The following DLG1 variants were observed in gnomAD, a reference collection of about 807,000 sequenced individuals.
DLG1 encodes the protein disks large homolog 1.
In DLG1, 42 loss-of-function variants were observed where a neutral mutation model predicts 123.4. The ratio of observed to expected loss-of-function variants is 0.34; its 90% CI spans 0.27 to 0.44. The LOEUF is 0.44. Ranked by LOEUF, DLG1 falls within the 20% of genes least tolerant of loss-of-function variation. The probability of loss-of-function intolerance (pLI) is 1.00; values close to 1 mark genes in which losing one functional copy is unlikely to be tolerated. For synonymous variants in DLG1, 317 were observed against 356.2 expected, an observed-to-expected ratio of 0.89 and a Z score of 1.24; for missense variants, 942 against 1,082.6, an observed-to-expected ratio of 0.87 and a Z score of 1.82.
intron 4 of DLG1, among the ~76,000 whole-genome samples, chr3:197,271,515 G>A (rs1385523004): frequency 6.6e-6 from 1 of 152,136 alleles, no homozygotes; most frequent in Non-Finnish European, 1.5e-5. Context: ...CTCAGGTTCT[G>A]CTTTTAGGAA....
intron 5 of DLG1, among the ~76,000 whole-genome samples, chr3:197,182,853 T>G (rs182968448): frequency 3.3e-5 from 5 of 152,136 alleles, no homozygotes; most frequent in Non-Finnish European, 7.4e-5. Flanking sequence ...TTTCCTCCCA[T>G]AGACAATAGC....
At chr3:197,105,828 T>TA (rs888114602) in intron 13 of DLG1, among the ~76,000 whole-genome samples, 1 of 152,124 alleles carries the variant, frequency 6.6e-6, no homozygotes, top group African/African-American at 2.4e-5. Flanking sequence ...AATACCGAAT[T>TA]AAAAAAAATT....
At chr3:197,140,651 G>A (rs562027989) in intron 7 of DLG1, among the ~76,000 whole-genome samples, 1 of 152,286 alleles carries the variant, frequency 6.6e-6, no homozygotes, top group Admixed American at 6.5e-5. Context: ...ATGCTGAAGT[G>A]ATCTTCCCGC....
chr3:197,297,610 G>T (rs570791491), intron 1 of DLG1: 2 of 1,011,518 alleles, frequency 2.0e-6, no homozygotes, highest in African/African-American at 3.5e-5. Flanking sequence ...CGGCCGCAGA[G>T]CGCTGAGAGG....
At chr3:197,162,479 C>T (rs183522762) in intron 5 of DLG1, among the ~76,000 whole-genome samples, 1 of 152,154 alleles carries the variant, frequency 6.6e-6, no homozygotes, top group African/African-American at 2.4e-5. Flanking sequence ...GGACAGCCTG[C>T]CTTAACAGGC....
At chr3:197,046,211 G>A (rs1722917148) in intron 24 of DLG1, among the ~76,000 whole-genome samples, 1 of 152,080 alleles carries the variant, frequency 6.6e-6, no homozygotes, top group African/African-American at 2.4e-5. Context: ...GTTGACAACA[G>A]CACGCAAGGA....
chr3:197,174,037 C>T (rs758514644), intron 5 of DLG1, among the ~76,000 whole-genome samples: 3 of 152,060 alleles, frequency 2.0e-5, no homozygotes, highest in South Asian at 2.1e-4. Context: ...GGGCTGAGAT[C>T]GCGCCACTGC....
chr3:197,132,238 A>T (rs1783014885), intron 10 of DLG1, among the ~76,000 whole-genome samples: 1 of 145,554 alleles, frequency 6.9e-6, no homozygotes. Flanking sequence ...TCTAATCTTT[A>T]TTATTTCCAC....
At chr3:197,143,637 A>G (rs1241708854) in intron 6 of DLG1, among the ~76,000 whole-genome samples, 1 of 152,192 alleles carries the variant, frequency 6.6e-6, no homozygotes, top group Non-Finnish European at 1.5e-5. Context: ...TCCAAACTCT[A>G]TGGGTTGGTA....
chr3:197,238,850 G>A (rs1406451440), intron 4 of DLG1, among the ~76,000 whole-genome samples: 1 of 152,134 alleles, frequency 6.6e-6, no homozygotes, highest in East Asian at 1.9e-4. Context: ...AGGAGTAAAT[G>A]TATAGCTCTA....
intron 19 of DLG1, among the ~76,000 whole-genome samples, chr3:197,067,497 A>G (rs905376223): frequency 1.3e-5 from 2 of 151,390 alleles, no homozygotes; most frequent in African/African-American, 2.4e-5. Context: ...TCTACAAATT[A>G]TATCTGAATA....
intron 4 of DLG1, chr3:197,260,564 G>C (rs1333365367): frequency 6.3e-6 from 1 of 158,790 alleles, no homozygotes; most frequent in Non-Finnish European, 1.4e-5. Flanking sequence ...CACTGTGGAA[G>C]ATGTCAGGGT....
At chr3:197,158,066 C>G (rs900767039) in intron 5 of DLG1, among the ~76,000 whole-genome samples, 17 of 152,216 alleles carry the variant, frequency 1.1e-4, no homozygotes, top group African/African-American at 4.1e-4. Context: ...CCAGAATACA[C>G]AGAGGAACTC....
At chr3:197,159,362 T>C (rs1179084861) in intron 5 of DLG1, among the ~76,000 whole-genome samples, 1 of 152,200 alleles carries the variant, frequency 6.6e-6, no homozygotes. Context: ...TTTTCATCTA[T>C]GTATCTTTCT....
At chr3:197,184,061 G>A in intron 5 of DLG1, 4 of 1,248,752 alleles carry the variant, frequency 3.2e-6, no homozygotes, top group Non-Finnish European at 3.0e-6. Context: ...GACATAAGGT[G>A]GATTTCTTTC....
chr3:197,069,788 G>A (rs1742350322), intron 18 of DLG1: 1 of 152,186 alleles, frequency 6.6e-6, no homozygotes, highest in Admixed American at 6.5e-5. Context: ...GATTGTAAAG[G>A]TCATAAATTC....
chr3:197,177,898 A>G (rs1250886328), intron 5 of DLG1, among the ~76,000 whole-genome samples: 1 of 152,154 alleles, frequency 6.6e-6, no homozygotes, highest in Non-Finnish European at 1.5e-5. Flanking sequence ...CGCGCTTCAC[A>G]GAAAGTCTAA....
Position 197,157,845 on chromosome 3 carries a change from T to C in DLG1, c.484-8049A>G, listed in dbSNP as rs144233557. On this transcript the variant is annotated intron_variant, in intron 5 of 24. Transcript: ENST00000667157. ...TCTGGTACTGGCATGCAGACAGACA[T>C]ACAGAAGGGAATAAAACAGAATCCA... Among the ~76,000 whole-genome samples, 38 of 152,272 alleles carry C rather than the reference T, an allele frequency of 2.5e-4. No individual in the cohort carries two copies. In the East Asian group the frequency reaches 6.4e-3, roughly 25 times the overall value.
At chr3:197,225,402 T>G (rs1312680636) in intron 4 of DLG1, among the ~76,000 whole-genome samples, 4 of 152,232 alleles carry the variant, frequency 2.6e-5, no homozygotes, top group African/African-American at 7.2e-5. Context: ...TGGTGTTTAT[T>G]TTGTTCAAAA....
Sources: allele counts gnomAD v4.1 joint callset (sites outside exome capture counted in the v4.1 genomes callset), GRCh38; gene constraint gnomAD v4.1.1; transcripts MANE v1.5; gene names NCBI Gene and HGNC (gene_info 2026-07-23, HGNC 2026-07-21).